The following ISM2 variants were observed in gnomAD, a reference collection of about 807,000 sequenced individuals.
ISM2 encodes the protein isthmin 2, also known as isthmin-2.
In ISM2, 50 loss-of-function variants were observed where a neutral mutation model predicts 58.0. The observed-to-expected ratio is 0.86, with a 90% confidence interval of 0.69 to 1.09. ISM2 has a LOEUF of 1.09. ISM2 is among the 50% of genes least tolerant of loss of function. The pLI, the probability that ISM2 is intolerant of heterozygous loss-of-function variation, is 0.00. For synonymous variants in ISM2, 303 were observed against 312.4 expected (o/e 0.97, Z 0.32); for missense variants, 723 against 745.0 (o/e 0.97, Z 0.34).
At chr14:77,495,762 G>A (rs550583177) in intron 1 of ISM2, among the ~76,000 whole-genome samples, 3 of 152,278 alleles carry the variant, frequency 2.0e-5, no homozygotes, top group South Asian at 2.1e-4. Flanking sequence ...CCAAAATGAC[G>A]AGGGTGCCGA....
At position 77,482,476 on chromosome 14, in the gene ISM2, C is replaced by T. The variant is rs145448176; in HGVS notation, c.819G>A (p.Glu273=). Residue 273 remains glutamate (E), a synonymous_variant, in exon 4 of 7, where the codon GAG becomes GAA. Coordinates refer to ENST00000342219, the MANE Select transcript of ISM2 (RefSeq NM_199296.3). The stretch of plus-strand genomic sequence containing the variant: ...CCTCGATATCCTCTGAAGGATAGTC[C>T]TCGTCTTCCTCCTTTTCCTCCCCCT... ...GEKGEEKEED[E]DYPSEDIEGE... 7 of 1,614,052 alleles carry T rather than the reference C, an allele frequency of 4.3e-6. No individual in the cohort carries two copies. The African/African-American group carries it at 6.7e-5, about 15-fold the overall frequency.
In ISM2 at chr14:77,475,769, G is replaced by A. The variant is rs2079093366; in HGVS notation, c.1542C>T (p.Ser514=). Residue 514 remains serine (S), a synonymous_variant, in exon 7 of 7, where the codon AGC becomes AGT. Transcript: ENST00000342219. This position sits in a 1 kb window ranked among gnomAD's most constrained non-coding sequence, Gnocchi z 4.1. ...AGTGCAGCTTAGGTGAGAAGTCGGT[G>A]CTGATGAGGTTGGGCATGCCGGCGC... is the stretch of plus-strand genomic sequence containing the variant. The part of the protein sequence containing the change: ...GKGAGMPNLI[S]TDFSPKLHFK... The A allele has an allele frequency of 6.2e-7, 1 of 1,613,592 alleles. No homozygotes were observed. The highest frequency in any genetic ancestry group is 1.3e-5 in the African/African-American group (1 of 74,842).
At chr14:77,478,521 C>T in intron 5 of ISM2, 54 bp downstream of exon 5, 17 of 1,587,486 alleles carry the variant, frequency 1.1e-5, no homozygotes, top group Non-Finnish European at 1.5e-5. Flanking sequence ...GGGACCAAGC[C>T]TCCAGCCTAA....
chr14:77,478,288 C>T lies in ISM2; in HGVS notation c.1152G>A (p.Glu384=). The change falls in exon 6 of 7, where the codon GAG becomes GAA. Residue 384 remains glutamate (E), a synonymous_variant. Coordinates refer to ENST00000342219, the MANE Select transcript of ISM2 (RefSeq NM_199296.3). The part of the protein sequence containing the change: ...EDKDTLGLPS[E]EWKLLARNAT... ...CATTGCGGGCCAGGAGCTTCCACTC[C>T]TCACTGGGGAGGCCCAAGGTGTCCT... 2 of 1,614,220 alleles carry T rather than the reference C, an allele frequency of 1.2e-6. No individual in the cohort carries two copies. Among genetic ancestry groups the T allele is most frequent in the Non-Finnish European group, 1.7e-6 (2 of 1,180,022 alleles).
intron 1 of ISM2, among the ~76,000 whole-genome samples, chr14:77,487,872 C>T (rs1338044011): frequency 6.6e-6 from 1 of 152,136 alleles, no homozygotes; most frequent in Non-Finnish European, 1.5e-5. Context: ...CTCCGATACC[C>T]CTCGAGCAGG....
intron 1 of ISM2, among the ~76,000 whole-genome samples, chr14:77,492,584 T>C (rs2079212924): frequency 6.6e-6 from 1 of 150,866 alleles, no homozygotes; most frequent in Admixed American, 6.6e-5. Flanking sequence ...CAGTAGTGTG[T>C]TCACAGCTCA....
At chr14:77,493,874 C>T (rs1470018480) in intron 1 of ISM2, among the ~76,000 whole-genome samples, 1 of 152,158 alleles carries the variant, frequency 6.6e-6, no homozygotes, top group Non-Finnish European at 1.5e-5. Flanking sequence ...CGGGTTCACG[C>T]CGTTCTCCTG....
intron 1 of ISM2, among the ~76,000 whole-genome samples, chr14:77,496,333 A>C (rs2079240090): frequency 6.6e-6 from 1 of 150,716 alleles, no homozygotes; most frequent in Non-Finnish European, 1.5e-5. Flanking sequence ...TACTAAAAAT[A>C]CAAAATTAGC....
In ISM2 at chr14:77,478,321, A is replaced by T; in HGVS notation, c.1119T>A (p.Thr373=). The T allele has an allele frequency of 6.2e-7, 1 of 1,613,844 alleles. No individual in the cohort carries two copies. Among genetic ancestry groups the T allele is most frequent in the African/African-American group, 1.3e-5 (1 of 75,044 alleles). ...GGAGGCCCAAGGTGTCCTTGTCCTC[A>T]GTGCCTTTGGGAGGAAAGGAGGCCA... is the stretch of plus-strand genomic sequence containing the variant. ...RTCDLPSCPG[T]EDKDTLGLPS... is the part of the protein sequence containing the mutation. The change falls in exon 6 of 7, where the codon ACT becomes ACA. Residue 373 remains threonine, a synonymous_variant. Transcript: ENST00000342219.
At chr14:77,484,283 C>A in intron 3 of ISM2, 40 bp downstream of exon 3, 1 of 1,595,152 alleles carries the variant, frequency 6.3e-7, no homozygotes, top group Admixed American at 1.7e-5. Flanking sequence ...CGCTCCTCTC[C>A]GGGTGTCTGC....
chr14:77,493,556 A>C (rs6574376), intron 1 of ISM2, among the ~76,000 whole-genome samples: 94,289 of 151,734 alleles, frequency 0.62, 31,920 homozygotes, highest in East Asian at 0.96. Context: ...CTGCCTCCTT[A>C]GTTCAAGCAA....
chr14:77,475,657 A>C lies in ISM2; in HGVS notation c.1654T>G (p.Cys552Gly). The change falls in exon 7 of 7, where the codon TGC (cysteine) becomes GGC (glycine). Residue 552 changes from cysteine to glycine, a missense_variant. By Grantham distance (159) the Cys-to-Gly change is radical (BLOSUM62 -3). Coordinates refer to ENST00000342219, the MANE Select transcript of ISM2 (RefSeq NM_199296.3). The surrounding 1 kb of genome is among the most constrained non-coding windows in gnomAD (Gnocchi z 4.1). ...TCCTCCTCCAGGGGGTTGTCGGTGC[A>C]GGCTCGGCCGTTGTTGGGAGGGAGC... ...AVLPPNNGRA[C>G]TDNPLEEEYL... is the part of the protein sequence containing the mutation. 1 of 1,613,190 alleles carries C rather than the reference A, an allele frequency of 6.2e-7. No individual in the cohort carries two copies. Among genetic ancestry groups the C allele is most frequent in the Non-Finnish European group, 8.5e-7 (1 of 1,179,496 alleles).
In ISM2 at chr14:77,478,256, T is replaced by C. The variant is rs1042091960; in HGVS notation, c.1184A>G (p.Asp395Gly). The change falls in exon 6 of 7, where the codon GAC becomes GGC. Residue 395 changes from aspartate to glycine, a missense_variant. By Grantham distance (94) the Asp-to-Gly change is moderately conservative. Coordinates refer to ENST00000342219, the MANE Select transcript of ISM2 (RefSeq NM_199296.3). ...EWKLLARNAT[D>G]MHDQDVDSCE... The stretch of plus-strand genomic sequence containing the variant: ...CCCTCACTCACCTTGATCATGCATG[T>C]CCGTAGCATTGCGGGCCAGGAGCTT... 11 of 1,613,798 alleles carry C rather than the reference T, an allele frequency of 6.8e-6. No homozygotes were observed. The highest frequency in any genetic ancestry group is 9.3e-6 in the Non-Finnish European group (11 of 1,179,746).
chr14:77,475,725 G>GGC lies in ISM2; in HGVS notation c.1584_1585dup (p.Pro529ArgfsTer35). The GGC allele has an allele frequency of 6.2e-7, 1 of 1,614,104 alleles. No homozygotes were observed. Among genetic ancestry groups the GGC allele is most frequent in the Non-Finnish European group, 8.5e-7 (1 of 1,180,022 alleles). The stretch of plus-strand genomic sequence containing the variant: ...CCAGTCCCCCTTGCACAGGATCCAG[G>GGC]GCGTCGTGTCGAACTTGAAGTGCAG... On this transcript the variant is annotated frameshift_variant, in exon 7 of 7. Coordinates refer to ENST00000342219, the MANE Select transcript of ISM2 (RefSeq NM_199296.3). LOFTEE classifies it high-confidence loss of function. The surrounding 1 kb of genome is among the most constrained non-coding windows in gnomAD (Gnocchi z 4.1).
At chr14:77,478,749 T>C in intron 4 of ISM2, 34 bp from the exon 5 acceptor site, 1 of 1,592,930 alleles carries the variant, frequency 6.3e-7, no homozygotes, top group South Asian at 1.1e-5. Flanking sequence ...GGTGAGTGCA[T>C]ATAGCTCACA....
At chr14:77,494,348 C>G (rs932973119) in intron 1 of ISM2, among the ~76,000 whole-genome samples, 1 of 152,042 alleles carries the variant, frequency 6.6e-6, no homozygotes, top group Non-Finnish European at 1.5e-5. Flanking sequence ...TGTTCTTTAG[C>G]TTCTTCATTA....
intron 3 of ISM2, 119 bp downstream of exon 3, chr14:77,484,204 C>G: frequency 7.5e-7 from 1 of 1,339,142 alleles, no homozygotes; most frequent in Admixed American, 2.2e-5. Flanking sequence ...TGCCCTCTGA[C>G]CCCACACAGC....
At position 77,484,471 on chromosome 14, in the gene ISM2, C is replaced by G. The variant is rs750097467; in HGVS notation, c.479G>C (p.Gly160Ala). ...THLQAELHQH[G>A]CWTVTEPAAL... ...TGCTGGCTCAGTGACAGTCCAACAT[C>G]CATGTTGGTGTAGCTCTGCCTGCAG... Residue 160 changes from glycine (G) to alanine (A), a missense_variant, in exon 3 of 7, where the codon GGA becomes GCA. Physicochemically the swap from Gly to Ala is moderately conservative, Grantham distance 60. Transcript: ENST00000342219. 6.2e-7 allele frequency: 1 copy of G among 1,609,784 alleles called. No homozygotes were observed. Among genetic ancestry groups the G allele is most frequent in the Non-Finnish European group, 8.5e-7 (1 of 1,178,192 alleles).
chr14:77,497,171 C>T (rs1482982670), intron 1 of ISM2, among the ~76,000 whole-genome samples: 2 of 151,724 alleles, frequency 1.3e-5, no homozygotes, highest in African/African-American at 2.4e-5. Flanking sequence ...AGCTCAAGAC[C>T]GGCCTGGCCA....
Sources: gnomAD v4.1 joint callset for allele counts (sites outside exome capture counted in the v4.1 genomes callset) on GRCh38, gnomAD v4.1.1 for gene constraint, Gnocchi (gnomAD v3.1) non-coding constraint, MANE v1.5 for transcripts, NCBI Gene and HGNC (gene_info 2026-07-23, HGNC 2026-07-21) for gene names.